The following PHF19 variants were observed in gnomAD, a reference collection of about 807,000 sequenced individuals.
PHF19 encodes the protein polycomb like 3.
In PHF19, 21 loss-of-function variants were observed where a neutral mutation model predicts 79.8. The ratio of observed to expected loss-of-function variants is 0.26; its 90% CI spans 0.19 to 0.38. PHF19 has a LOEUF of 0.38. Among genes scored for constraint, PHF19 ranks in the 10% least tolerant of loss-of-function variants. The pLI, the probability that PHF19 is intolerant of heterozygous loss-of-function variation, is 1.00. For synonymous variants in PHF19, 273 were observed against 296.3 expected, an observed-to-expected ratio of 0.92 and a Z score of 0.81; for missense variants, 445 against 744.2, an observed-to-expected ratio of 0.60 and a Z score of 4.68.
At chr9:120,898,413 G>A (rs942602903), upstream of PHF19, among the ~76,000 whole-genome samples, 21 of 152,210 alleles carry the variant, frequency 1.4e-4, no homozygotes, top group African/African-American at 3.6e-4. Context: ...CACCGCCTCC[G>A]GCCCTGAGAT....
At chr9:120,864,928 A>AT (rs2045653801) in intron 9 of PHF19, among the ~76,000 whole-genome samples, 1 of 152,082 alleles carries the variant, frequency 6.6e-6, no homozygotes, top group South Asian at 2.1e-4. Flanking sequence ...TACTTTAAAG[A>AT]TTTTCCACCA....
chr9:120,886,926 C>G (rs746405915), intron 1 of PHF19, among the ~76,000 whole-genome samples: 1 of 150,924 alleles, frequency 6.6e-6, no homozygotes, highest in African/African-American at 2.4e-5. Context: ...AAAAATTAGC[C>G]GGGTGTGATT....
intron 1 of PHF19, 181 bp downstream of exon 1, chr9:120,876,910 C>T: frequency 2.2e-6 from 2 of 924,322 alleles, no homozygotes; most frequent in Non-Finnish European, 2.6e-6. Context: ...CCGGGTGGGG[C>T]CCCTCTGCCC....
chr9:120,865,970 G>A, intron 8 of PHF19, 58 bp downstream of exon 8: 2 of 1,562,992 alleles, frequency 1.3e-6, no homozygotes, highest in Non-Finnish European at 1.8e-6. Context: ...CAGGAGGGAG[G>A]AGGGAGGGGA....
chr9:120,892,148 CA>C (rs1185214283), intron 1 of PHF19, among the ~76,000 whole-genome samples: 3 of 152,148 alleles, frequency 2.0e-5, no homozygotes, highest in African/African-American at 7.2e-5. Flanking sequence ...ACAACTAATT[CA>C]AGCCATTTAA....
chr9:120,869,365 G>A lies in PHF19; in HGVS notation c.466-35C>T, dbSNP rs766777976. ...GACGAGGGCCCCAGTCAACCACCAG[G>A]TCCGGGTGGACCACGCGAGTCAGCA... is the stretch of plus-strand genomic sequence containing the variant. On this transcript the variant is annotated intron_variant, in intron 5 of 14. Transcript: ENST00000373896. This position sits in a 1 kb window ranked among gnomAD's most constrained non-coding sequence, Gnocchi z 5.8. 5 of 1,599,770 alleles carry A rather than the reference G, an allele frequency of 3.1e-6. No homozygotes were observed. In the African/African-American group the frequency reaches 5.3e-5, roughly 17 times the overall value.
At chr9:120,881,836 A>G (rs561562845), upstream of PHF19, among the ~76,000 whole-genome samples, 2 of 152,270 alleles carry the variant, frequency 1.3e-5, no homozygotes, top group Admixed American at 1.3e-4. Flanking sequence ...ATCTCGGCTC[A>G]CTGCAAACTC....
In PHF19 at chr9:120,866,833, C is replaced by G; in HGVS notation, c.710+37G>C. The G allele has an allele frequency of 1.7e-6, 2 of 1,172,478 alleles. No individual in the cohort carries two copies. Among genetic ancestry groups the G allele is most frequent in the Non-Finnish European group, 2.6e-6 (2 of 777,524 alleles). 72.6% of individuals were successfully genotyped at this position (1,172,478 alleles called of 1,614,324 possible). ...GCTGCCATCCCTGCCCTCTCCCCAC[C>G]ACGCCCAAGGCCCACTTGGACCAAA... On this transcript the variant is annotated intron_variant, in intron 7 of 14. Transcript: ENST00000373896. The surrounding 1 kb of genome is among the most constrained non-coding windows in gnomAD (Gnocchi z 5.2).
chr9:120,894,494 T>G (rs913020955), intron 1 of PHF19, among the ~76,000 whole-genome samples: 1 of 152,232 alleles, frequency 6.6e-6, no homozygotes, highest in East Asian at 1.9e-4. Flanking sequence ...CCCGGGTCCG[T>G]GGCGGGGCAA....
chr9:120,873,518 T>C (rs991937507), intron 3 of PHF19, among the ~76,000 whole-genome samples: 4 of 152,258 alleles, frequency 2.6e-5, no homozygotes, highest in African/African-American at 9.6e-5. Context: ...CCCAACTCCT[T>C]GCCCCGTGGA....
At chr9:120,876,825 C>A (rs1241532006) in intron 1 of PHF19, among the ~76,000 whole-genome samples, 3 of 152,180 alleles carry the variant, frequency 2.0e-5, no homozygotes. Flanking sequence ...GTCCTTCCCC[C>A]ACCCCGATAG....
intron 1 of PHF19, among the ~76,000 whole-genome samples, chr9:120,885,274 A>T (rs2046246721): frequency 6.6e-6 from 1 of 152,140 alleles, no homozygotes; most frequent in Non-Finnish European, 1.5e-5. Context: ...CAGATGGGGA[A>T]ACGGATATCT....
At chr9:120,895,557 A>C (rs1362949080), upstream of PHF19, among the ~76,000 whole-genome samples, 3 of 152,104 alleles carry the variant, frequency 2.0e-5, no homozygotes, top group Admixed American at 6.5e-5. Flanking sequence ...AGTGAGCTCT[A>C]CTTTGCTCCC....
At chr9:120,903,564 G>A in the PHF19 span, 9 of 152,810 alleles carry the variant, frequency 5.9e-5, no homozygotes, top group East Asian at 1.7e-3. Flanking sequence ...GGCTCAGCAG[G>A]TGGAGGAAGA....
At position 120,858,144 on chromosome 9, in the gene PHF19, C is replaced by T. The variant is rs367761181; in HGVS notation, c.1543G>A (p.Glu515Lys). The T allele has an allele frequency of 5.1e-5, 83 of 1,613,712 alleles. No homozygotes were observed. Among genetic ancestry groups the T allele is most frequent in the Non-Finnish European group, 6.5e-5 (77 of 1,179,612 alleles). ...TCAAATGTGTGGCTGTCAATGCCTT[C>T]GTCTGGCCGCTCGGGGACTGAAGCC... ...EGASVPERPD[E>K]GIDSHTFESI... The change falls in exon 15 of 15, where the codon GAA becomes AAA. Residue 515 changes from glutamate to lysine, a missense_variant. This residue lies in a region of PHF19 where 125 missense variants were observed against 180.5 expected (regional missense o/e 0.69). Coordinates refer to ENST00000373896, the MANE Select transcript of PHF19 (RefSeq NM_015651.3).
Position 120,857,799 on chromosome 9 carries a change from A to AGGCT in PHF19, c.*144_*145insAGCC, listed in dbSNP as rs2045393529. On this transcript the variant is annotated 3_prime_UTR_variant, in exon 15 of 15. Transcript: ENST00000373896. ...AGAGAGACGCAGGCCTTGGCCTGGC[A>AGGCT]GGCAGGCAGGCAGGGCATTCTGCCA... 1 of 574,684 alleles carries AGGCT rather than the reference A, an allele frequency of 1.7e-6. No homozygotes were observed. Among genetic ancestry groups the AGGCT allele is most frequent in the Non-Finnish European group, 3.1e-6 (1 of 326,730 alleles). The allele number at this position is 574,684 out of a possible 1,614,324, so 35.6% of individuals were successfully genotyped here.
chr9:120,880,558 G>T (rs532264253), upstream of PHF19, among the ~76,000 whole-genome samples: 1 of 152,114 alleles, frequency 6.6e-6, no homozygotes, highest in Non-Finnish European at 1.5e-5. Flanking sequence ...TAATATACTG[G>T]GAGTAAAAAT....
At position 120,866,151 on chromosome 9, in the gene PHF19, C is replaced by T. The variant is rs1469855045; in HGVS notation, c.711-55G>A. 9.0e-6 allele frequency: 11 copies of T among 1,227,882 alleles called. No homozygotes were observed. The highest frequency in any genetic ancestry group is 1.7e-5 in the Admixed American group (1 of 59,310). 76.1% of individuals were successfully genotyped at this position (1,227,882 alleles called of 1,614,324 possible). A position where few individuals can be genotyped will look rare whatever the true frequency, so the allele number is the denominator to read the frequency against. The stretch of plus-strand genomic sequence containing the variant: ...GTGGGAGGGGCTCTGACACCCCCAC[C>T]CCAGTCCAGCCCCTTGATCTCCTCA... On this transcript the variant is annotated intron_variant, in intron 7 of 14. Transcript: ENST00000373896. This position sits in a 1 kb window ranked among gnomAD's most constrained non-coding sequence, Gnocchi z 5.2.
chr9:120,862,947 T>G lies in PHF19; in HGVS notation c.969-198A>C, dbSNP rs115466680. On this transcript the variant is annotated intron_variant, in intron 10 of 14. Coordinates refer to ENST00000373896, the MANE Select transcript of PHF19 (RefSeq NM_015651.3). This position sits in a 1 kb window ranked among gnomAD's most constrained non-coding sequence, Gnocchi z 4.6. ...AGCAGCTGAGAACACGGCTGGTGCCTCCTCCCTGTGCTTCCTCCTGCATGA... is the reference window on the plus strand; with the variant it reads ...AGCAGCTGAGAACACGGCTGGTGCCGCCTCCCTGTGCTTCCTCCTGCATGA... 3.4e-3 allele frequency: 1,949 copies of G among 580,474 alleles called. 32 individuals carry two copies. Among genetic ancestry groups the G allele is most frequent in the African/African-American group, 0.033 (1,756 of 53,488 alleles). The allele number at this position is 580,474 out of a possible 1,614,324, so 36.0% of individuals were successfully genotyped here.
Sources: gnomAD v4.1 joint callset for allele counts (sites outside exome capture counted in the v4.1 genomes callset) on GRCh38, gnomAD v4.1.1 for gene constraint, gnomAD v4.1.1 regional missense constraint, Gnocchi (gnomAD v3.1) non-coding constraint, MANE v1.5 for transcripts, NCBI Gene and HGNC (gene_info 2026-07-23, HGNC 2026-07-21) for gene names.